The following GBF1 variants were observed in gnomAD, a reference collection of about 807,000 sequenced individuals.
GBF1 encodes golgi brefeldin A resistant guanine nucleotide exchange factor 1, also known as Golgi-specific brefeldin A-resistance guanine nucleotide exchange factor 1.
GBF1 carries 114 observed loss-of-function variants against 210.5 expected under a neutral mutation model. The observed-to-expected ratio is 0.54, with a 90% CI of 0.47 to 0.63. The LOEUF (loss-of-function observed/expected upper bound fraction) is 0.63, where lower values mean the gene tolerates loss of function less well. Among genes scored for constraint, GBF1 ranks in the 30% least tolerant of loss-of-function variants. GBF1 has a pLI of 0.00. For missense variants in GBF1, 1,851 were observed against 2,357.7 expected (o/e 0.79, Z 4.45); for synonymous variants, 850 against 889.2 (o/e 0.96, Z 0.78).
At position 102,376,431 on chromosome 10, in the gene GBF1, T is replaced by C; in HGVS notation, c.4046T>C (p.Val1349Ala). Residue 1349 changes from valine (V) to alanine (A), a missense_variant and splice_region_variant, in exon 31 of 40, where the codon GTG (valine) becomes GCG (alanine). Physicochemically the swap from Val to Ala is moderately conservative, Grantham distance 64. Coordinates refer to ENST00000369983, the MANE Select transcript of GBF1 (RefSeq NM_001377137.1). ...GATGTGGTCAACAGTGGTTGGTTAG[T>C]GGTGAGTGACAATATGGGCAGCAAT... The part of the protein sequence containing the change: ...DADVVNSGWL[V>A]VGKDDVDNSK... The C allele has an allele frequency of 6.2e-7, 1 of 1,614,170 alleles. No individual in the cohort carries two copies. The highest frequency in any genetic ancestry group is 8.5e-7 in the Non-Finnish European group (1 of 1,179,994).
chr10:102,324,430 A>C (rs753898868), intron 3 of GBF1, among the ~76,000 whole-genome samples: 4 of 152,200 alleles, frequency 2.6e-5, no homozygotes, highest in Non-Finnish European at 5.9e-5. Context: ...AAAAAATGCC[A>C]GGCTTTTACC....
In GBF1 at chr10:102,366,740, C is replaced by T. The variant is rs757055861; in HGVS notation, c.2433+234C>T. Among the ~76,000 whole-genome samples, 1 of 152,098 alleles carries T rather than the reference C, an allele frequency of 6.6e-6. No individual in the cohort carries two copies. Among genetic ancestry groups the T allele is most frequent in the Non-Finnish European group, 1.5e-5 (1 of 68,026 alleles). Reference sequence around the variant, plus strand: ...TAGCTGGGATTTCAGGCACCTGCCACCAAGCCTGGCTAATTTTTGTATTTT... The same window carrying T: ...TAGCTGGGATTTCAGGCACCTGCCATCAAGCCTGGCTAATTTTTGTATTTT... On this transcript the variant is annotated intron_variant, in intron 19 of 39. Coordinates refer to ENST00000369983, the MANE Select transcript of GBF1 (RefSeq NM_001377137.1). The surrounding 1 kb of genome is among the most constrained non-coding windows in gnomAD (Gnocchi z 4.0).
At chr10:102,281,965 C>T (rs1490985843) in intron 3 of GBF1, among the ~76,000 whole-genome samples, 1 of 145,222 alleles carries the variant, frequency 6.9e-6, no homozygotes, top group African/African-American at 2.6e-5. Flanking sequence ...CTCGCTCTGT[C>T]GCCCAGGCTG....
intron 3 of GBF1, among the ~76,000 whole-genome samples, chr10:102,337,381 A>C (rs112175644): frequency 1.9e-3 from 291 of 151,754 alleles, no homozygotes; most frequent in African/African-American, 6.7e-3. Context: ...AAAAAAAAAA[A>C]AAAAACTATG....
the GBF1 span, among the ~76,000 whole-genome samples, chr10:102,233,922 C>T: frequency 6.6e-6 from 1 of 152,180 alleles, no homozygotes; most frequent in African/African-American, 2.4e-5. Context: ...CTCCCAGGAC[C>T]CCTCTGCTGC....
intron 8 of GBF1, among the ~76,000 whole-genome samples, chr10:102,354,765 AC>A (rs2059196057): frequency 6.6e-6 from 1 of 152,046 alleles, no homozygotes; most frequent in Non-Finnish European, 1.5e-5. Context: ...TTCTAGGGAA[AC>A]CGTGAGGGAC....
chr10:102,369,991 GCCCATCCA>G lies in GBF1; in HGVS notation c.3339+11_3339+18del. 1 of 1,614,008 alleles carries G rather than the reference GCCCATCCA, an allele frequency of 6.2e-7. No homozygotes were observed. The highest frequency in any genetic ancestry group is 8.5e-7 in the Non-Finnish European group (1 of 1,179,944). ...GGCCTTAGAGTGTATAAAGGTAACTGCCCATCCACCCCTGGTGAGAAAGCCTAAACACC... is the reference window on the plus strand; with the variant it reads ...GGCCTTAGAGTGTATAAAGGTAACTGCCCCTGGTGAGAAAGCCTAAACACC... On this transcript the variant is annotated splice_region_variant and intron_variant, in intron 26 of 39. Coordinates refer to ENST00000369983, the MANE Select transcript of GBF1 (RefSeq NM_001377137.1).
intron 3 of GBF1, among the ~76,000 whole-genome samples, chr10:102,305,656 T>G (rs1222557265): frequency 6.6e-6 from 1 of 152,118 alleles, no homozygotes; most frequent in Non-Finnish European, 1.5e-5. Context: ...CTGTGTTTCT[T>G]TTGAGACGGA....
chr10:102,279,424 A>G (rs1397212667), intron 3 of GBF1, among the ~76,000 whole-genome samples: 1 of 152,180 alleles, frequency 6.6e-6, no homozygotes, highest in East Asian at 1.9e-4. Flanking sequence ...ATTCATCATT[A>G]TATTTCAGCT....
In GBF1 at chr10:102,363,265, C is replaced by A; in HGVS notation, c.1886C>A (p.Thr629Asn). 1.2e-6 allele frequency: 2 copies of A among 1,612,540 alleles called. No individual in the cohort carries two copies. The highest frequency in any genetic ancestry group is 2.2e-5 in the South Asian group (2 of 90,884). Residue 629 changes from threonine to asparagine, a missense_variant, in exon 16 of 40, where the codon ACT (threonine) becomes AAT (asparagine). By Grantham distance (65) the Thr-to-Asn change is moderately conservative. Transcript: ENST00000369983. This position sits in a 1 kb window ranked among gnomAD's most constrained non-coding sequence, Gnocchi z 4.2. ...GTREASNTER[T>N]ASDGKAVGMA... ...TCTTCTCTCTTACCAGCTGAGAGAA[C>A]TGCCAGCGATGGGAAAGCTGTAGGC...
chr10:102,352,081 G>A, intron 6 of GBF1, 130 bp downstream of exon 6: 2 of 664,888 alleles, frequency 3.0e-6, no homozygotes, highest in East Asian at 2.7e-5. Flanking sequence ...CGATCATAGG[G>A]GTCTAGAAGA....
In GBF1 at chr10:102,382,408, C is replaced by A. The variant is rs367736723; in HGVS notation, c.*72C>A. On this transcript the variant is annotated 3_prime_UTR_variant, in exon 40 of 40. Coordinates refer to ENST00000369983, the MANE Select transcript of GBF1 (RefSeq NM_001377137.1). ...CTTGACCCCACTTCTGGCTGTCCTG[C>A]GGGCCACAAGCTCTTCAGGCCAAGT... The A allele has an allele frequency of 7.0e-5, 96 of 1,371,322 alleles. No individual in the cohort carries two copies. Among genetic ancestry groups the A allele is most frequent in the Non-Finnish European group, 9.3e-5 (93 of 1,002,012 alleles). The allele number at this position is 1,371,322 out of a possible 1,614,324, so 84.9% of individuals were successfully genotyped here. A position where few individuals can be genotyped will look rare whatever the true frequency, so the allele number is the denominator to read the frequency against.
intron 3 of GBF1, among the ~76,000 whole-genome samples, chr10:102,288,490 T>A (rs2076145267): frequency 6.6e-6 from 1 of 151,718 alleles, no homozygotes; most frequent in Non-Finnish European, 1.5e-5. Context: ...GGCGGGCGGA[T>A]CATGAGGTCA....
chr10:102,301,063 A>G lies in GBF1; in HGVS notation c.163+40947A>G, dbSNP rs184877832. Among the ~76,000 whole-genome samples the G allele has an allele frequency of 3.4e-3, 511 of 148,948 alleles. 1 individual carries two copies. The highest frequency in any genetic ancestry group is 0.012 in the African/African-American group (481 of 40,274). On this transcript the variant is annotated intron_variant, in intron 3 of 39. Coordinates refer to ENST00000369983, the MANE Select transcript of GBF1 (RefSeq NM_001377137.1). The stretch of plus-strand genomic sequence containing the variant: ...TGGCAGGGTCACAGGACAATAGTGG[A>G]GGGAAGGTCAGCAAATAAACAAGTG...
intron 3 of GBF1, among the ~76,000 whole-genome samples, chr10:102,307,794 A>T (rs1589578083): frequency 1.3e-5 from 2 of 151,882 alleles, no homozygotes; most frequent in East Asian, 3.9e-4. Context: ...ACGCCGTCTC[A>T]AAAAAAACAA....
intron 3 of GBF1, among the ~76,000 whole-genome samples, chr10:102,262,531 T>C (rs958858270): frequency 1.3e-5 from 2 of 152,166 alleles, no homozygotes; most frequent in African/African-American, 4.8e-5. Flanking sequence ...CAGTGAAGGA[T>C]TGTTGTTATA....
intron 3 of GBF1, among the ~76,000 whole-genome samples, chr10:102,272,032 T>A (rs2074483339): frequency 6.6e-6 from 1 of 152,008 alleles, no homozygotes; most frequent in Non-Finnish European, 1.5e-5. Flanking sequence ...GGATTACAGG[T>A]GTGAGCTATT....
chr10:102,326,238 A>G (rs1200350934), intron 3 of GBF1, among the ~76,000 whole-genome samples: 1 of 152,244 alleles, frequency 6.6e-6, no homozygotes, highest in Admixed American at 6.5e-5. Context: ...TGCTGATCAT[A>G]CTTTTAGCAA....
chr10:102,333,065 G>T (rs927627275), intron 3 of GBF1, among the ~76,000 whole-genome samples: 17 of 152,178 alleles, frequency 1.1e-4, no homozygotes, highest in African/African-American at 3.9e-4. Context: ...AAAGAATCTA[G>T]TTAAATTACT....
Sources: gnomAD v4.1 joint callset for allele counts (sites outside exome capture counted in the v4.1 genomes callset) on GRCh38, gnomAD v4.1.1 for gene constraint, Gnocchi (gnomAD v3.1) non-coding constraint, MANE v1.5 for transcripts, NCBI Gene and HGNC (gene_info 2026-07-23, HGNC 2026-07-21) for gene names.